Variants in ADPRH observed in about 807,000 individuals in gnomAD.
ADPRH encodes ADP-ribose-L-arginine cleaving enzyme.
ADPRH carries 27 observed loss-of-function variants against 28.8 expected under a neutral mutation model. That is an observed-to-expected ratio of 0.94 (90% CI 0.69 to 1.29). The LOEUF is 1.29. Ranked by LOEUF, ADPRH falls within the 50% of genes most tolerant of loss-of-function variation. The pLI is 0.00. For missense variants in ADPRH, 419 were observed against 444.8 expected, an observed-to-expected ratio of 0.94 and a Z score of 0.52; for synonymous variants, 161 against 166.9, an observed-to-expected ratio of 0.96 and a Z score of 0.27.
intron 4 of ADPRH, 24 bp from the exon 5 acceptor site, chr3:119,587,440 C>T (rs369691158): frequency 3.9e-5 from 58 of 1,475,784 alleles, no homozygotes; most frequent in Non-Finnish European, 4.9e-5. Context: ...TTTCAATTGA[C>T]TCTAGATTTT....
In ADPRH at chr3:119,587,738, T is replaced by A; in HGVS notation, c.934T>A (p.Cys312Ser). The change falls in exon 5 of 5, where the codon TGC (cysteine) becomes AGC (serine). Residue 312 changes from cysteine to serine, a missense_variant. Coordinates refer to ENST00000357003, the MANE Select transcript of ADPRH (RefSeq NM_001125.4). ...TGATTCTACAGCTGCCATTGCTGGC[T>A]GCTGGTGGGGAGTTATGTATGGTTT... is the stretch of plus-strand genomic sequence containing the variant. ...DSDSTAAIAG[C>S]WWGVMYGFKG... 1 of 1,614,222 alleles carries A rather than the reference T, an allele frequency of 6.2e-7. No homozygotes were observed. The highest frequency in any genetic ancestry group is 8.5e-7 in the Non-Finnish European group (1 of 1,180,034).
chr3:119,581,762 C>G (rs2082406225), intron 2 of ADPRH, among the ~76,000 whole-genome samples: 2 of 152,142 alleles, frequency 1.3e-5, no homozygotes, highest in Admixed American at 6.5e-5. Context: ...AAATGATGAG[C>G]TGGGTTTGAC....
intron 2 of ADPRH, among the ~76,000 whole-genome samples, chr3:119,581,424 T>C (rs2082404268): frequency 6.6e-6 from 1 of 152,174 alleles, no homozygotes. Flanking sequence ...GGTTGTTACT[T>C]TTTAAAATCA....
At chr3:119,580,804 T>G (rs1025654558) in intron 2 of ADPRH, among the ~76,000 whole-genome samples, 168 bp downstream of exon 2, 6 of 151,884 alleles carry the variant, frequency 4.0e-5, no homozygotes, top group Non-Finnish European at 7.4e-5. Context: ...AAGAGGGGGG[T>G]TCTTAGGAAA....
rs553146855 is a variant in ADPRH at position 119,584,083 on chromosome 3, A to T, written c.298+1616A>T. On this transcript the variant is annotated intron_variant, in intron 3 of 4. Transcript: ENST00000357003. Reference sequence around the variant, plus strand: ...ATGAGCCACCATGCCTGGCCAAAAAAAAACTTTTTTTTAAAAAATAGATAT... The same window carrying T: ...ATGAGCCACCATGCCTGGCCAAAAATAAACTTTTTTTTAAAAAATAGATAT... Among the ~76,000 whole-genome samples, 896 of 152,002 alleles carry T rather than the reference A, an allele frequency of 5.9e-3. 9 individuals carry two copies. The highest frequency in any genetic ancestry group is 0.021 in the African/African-American group (861 of 41,450).
intron 3 of ADPRH, among the ~76,000 whole-genome samples, chr3:119,585,360 G>A (rs1295173919): frequency 6.6e-6 from 1 of 152,166 alleles, no homozygotes; most frequent in African/African-American, 2.4e-5. Context: ...CAGGTCGGGG[G>A]ACAAGCCTGC....
chr3:119,583,678 A>G (rs1393199722), intron 3 of ADPRH, among the ~76,000 whole-genome samples: 1 of 152,216 alleles, frequency 6.6e-6, no homozygotes, highest in Non-Finnish European at 1.5e-5. Context: ...GTGAAAGGCC[A>G]AGGTGAGAGG....
At chr3:119,587,340 A>T (rs2082471380) in intron 4 of ADPRH, 124 bp from the exon 5 acceptor site, 1 of 648,896 alleles carries the variant, frequency 1.5e-6, no homozygotes, top group Non-Finnish European at 2.5e-6. Context: ...ATAGTTTATG[A>T]TATTACTGCA....
rs1364642554 is a variant in ADPRH, at chr3:119,586,549, C to T, written c.563C>T (p.Pro188Leu). ...GCCTATGCTGTGAATAGCAGACCAC[C>T]CTTGCAGTGGGGAAAAGGACTGATG... ...FTAYAVNSRP[P>L]LQWGKGLMEL... Residue 188 changes from proline (P) to leucine (L), a missense_variant, in exon 4 of 5, where the codon CCC becomes CTC. Pro to Leu is a moderately conservative substitution (Grantham distance 98). Coordinates refer to ENST00000357003, the MANE Select transcript of ADPRH (RefSeq NM_001125.4). 6.2e-7 allele frequency: 1 copy of T among 1,614,048 alleles called. No individual in the cohort carries two copies. The highest frequency in any genetic ancestry group is 1.3e-5 in the African/African-American group (1 of 74,918).
At chr3:119,583,848 GCTCACTGCAACCTCTGC>G (rs948999561) in intron 3 of ADPRH, among the ~76,000 whole-genome samples, 1 of 152,076 alleles carries the variant, frequency 6.6e-6, no homozygotes, top group African/African-American at 2.4e-5. Context: ...CACGATCTCG[GCTCACTGCAACCTCTGC>G]CTCCCAGGTT....
chr3:119,585,213 CT>C (rs576213085), intron 3 of ADPRH, among the ~76,000 whole-genome samples: 147 of 152,200 alleles, frequency 9.7e-4, no homozygotes, highest in African/African-American at 3.3e-3. Context: ...CAAGTGGAAA[CT>C]TTTTTTTGTC....
Position 119,586,615 on chromosome 3 carries a change from G to T in ADPRH, c.629G>T (p.Gly210Val), listed in dbSNP as rs1170835446. The T allele has an allele frequency of 6.2e-7, 1 of 1,613,888 alleles. No homozygotes were observed. The highest frequency in any genetic ancestry group is 8.5e-7 in the Non-Finnish European group (1 of 1,179,998). The change falls in exon 4 of 5, where the codon GGC (glycine) becomes GTC (valine). Residue 210 changes from glycine (G) to valine (V), a missense_variant. Physicochemically the swap from Gly to Val is moderately radical, Grantham distance 109. Coordinates refer to ENST00000357003, the MANE Select transcript of ADPRH (RefSeq NM_001125.4). ...PEAKKYIVQSGYFVEENLQHW... is the reference protein window; with the variant it reads ...PEAKKYIVQSVYFVEENLQHW... ...GCTAAAAAGTACATTGTCCAATCAGGCTACTTTGTAGAGGAAAATCTTCAA... is the reference window on the plus strand; with the variant it reads ...GCTAAAAAGTACATTGTCCAATCAGTCTACTTTGTAGAGGAAAATCTTCAA...
At position 119,586,473 on chromosome 3, in the gene ADPRH, C is replaced by G; in HGVS notation, c.487C>G (p.His163Asp). The G allele has an allele frequency of 6.2e-7, 1 of 1,614,210 alleles. No homozygotes were observed. The highest frequency in any genetic ancestry group is 8.5e-7 in the Non-Finnish European group (1 of 1,180,046). Residue 163 changes from histidine (H) to aspartate (D), a missense_variant, in exon 4 of 5, where the codon CAC (histidine) becomes GAC (aspartate). Transcript: ENST00000357003. ...QVSIESGRMT[H>D]HHPTGYLGAL... Reference sequence around the variant, plus strand: ...GAGCATCGAGAGTGGTCGGATGACCCACCACCACCCAACAGGCTACCTGGG... The same window carrying G: ...GAGCATCGAGAGTGGTCGGATGACCGACCACCACCCAACAGGCTACCTGGG...
Position 119,588,008 on chromosome 3 carries a change from G to GA in ADPRH, c.*130_*131insA. The GA allele has an allele frequency of 2.9e-6, 3 of 1,042,474 alleles. No individual in the cohort carries two copies. The highest frequency in any genetic ancestry group is 4.0e-6 in the Non-Finnish European group (3 of 748,280). 64.6% of individuals were successfully genotyped at this position (1,042,474 alleles called of 1,614,324 possible). A position where few individuals can be genotyped will look rare whatever the true frequency, so the allele number is the denominator to read the frequency against. On this transcript the variant is annotated 3_prime_UTR_variant, in exon 5 of 5. Transcript: ENST00000357003. ...GGAATTTTGAGATAACAAGTCCCTT[G>GA]GGCACCTTAAGCTCAGTTTTTTCAG...
intron 3 of ADPRH, among the ~76,000 whole-genome samples, chr3:119,583,467 A>G (rs564523994): frequency 1.6e-4 from 24 of 152,348 alleles, no homozygotes; most frequent in Admixed American, 1.2e-3. Flanking sequence ...ATCACATTAT[A>G]CTAAATAAAT....
Position 119,587,996 on chromosome 3 carries a change from A to G in ADPRH, c.*118A>G. 2.5e-6 allele frequency: 3 copies of G among 1,185,694 alleles called. No homozygotes were observed. Among genetic ancestry groups the G allele is most frequent in the Non-Finnish European group, 3.4e-6 (3 of 869,730 alleles). The allele number at this position is 1,185,694 out of a possible 1,614,324, so 73.4% of individuals were successfully genotyped here. A position where few individuals can be genotyped will look rare whatever the true frequency, so the allele number is the denominator to read the frequency against. On this transcript the variant is annotated 3_prime_UTR_variant, in exon 5 of 5. Transcript: ENST00000357003. Reference sequence around the variant, plus strand: ...CCTTGTACTCAGGGAATTTTGAGATAACAAGTCCCTTGGGCACCTTAAGCT... The same window carrying G: ...CCTTGTACTCAGGGAATTTTGAGATGACAAGTCCCTTGGGCACCTTAAGCT...
intron 4 of ADPRH, among the ~76,000 whole-genome samples, chr3:119,587,164 G>A (rs531948447): frequency 3.9e-4 from 59 of 152,272 alleles, no homozygotes; most frequent in Non-Finnish European, 6.6e-4. Context: ...CCTTTAAAAG[G>A]TCATTACTCT....
rs1343470986 is a variant in ADPRH, at chr3:119,587,731, T to G, written c.927T>G (p.Ile309Met). 2 of 1,614,090 alleles carry G rather than the reference T, an allele frequency of 1.2e-6. No homozygotes were observed. Among genetic ancestry groups the G allele is most frequent in the African/African-American group, 1.3e-5 (1 of 74,932 alleles). ...GAGACAGTGATTCTACAGCTGCCAT[T>G]GCTGGCTGCTGGTGGGGAGTTATGT... ...HGGDSDSTAA[I>M]AGCWWGVMYG... The change falls in exon 5 of 5, where the codon ATT becomes ATG. Residue 309 changes from isoleucine to methionine, a missense_variant. Ile to Met is a conservative substitution (Grantham distance 10, BLOSUM62 1). Transcript: ENST00000357003.
At position 119,589,435 on chromosome 3, in the gene ADPRH, G is replaced by C. The variant is rs1160734102; in HGVS notation, c.*1557G>C. 1.3e-5 allele frequency: 2 copies of C among 152,188 alleles called. No individual in the cohort carries two copies. Among genetic ancestry groups the C allele is most frequent in the Non-Finnish European group, 2.9e-5 (2 of 68,038 alleles). 9.4% of individuals were successfully genotyped at this position (152,188 alleles called of 1,614,324 possible). A position where few individuals can be genotyped will look rare whatever the true frequency, so the allele number is the denominator to read the frequency against. On this transcript the variant is annotated 3_prime_UTR_variant, in exon 5 of 5. Coordinates refer to ENST00000357003, the MANE Select transcript of ADPRH (RefSeq NM_001125.4). ...TGATTTTTCCTTTGTGAAATCCCTG[G>C]TTTTCAGCTGGAAGCGGTGGGTAAA...
Sources: allele counts gnomAD v4.1 joint callset (sites outside exome capture counted in the v4.1 genomes callset), GRCh38; gene constraint gnomAD v4.1.1; transcripts MANE v1.5; gene names NCBI Gene and HGNC (gene_info 2026-07-23, HGNC 2026-07-21).